Variants in GRIN3B observed in about 807,000 individuals in gnomAD.
The protein encoded by GRIN3B is glutamate ionotropic receptor NMDA type subunit 3B, also known as glutamate receptor ionotropic, NMDA 3B.
GRIN3B carries 77 observed loss-of-function variants against 66.0 expected under a neutral mutation model. The ratio of observed to expected loss-of-function variants is 1.17; its 90% CI spans 0.97 to 1.41. The LOEUF is 1.41. GRIN3B is among the 40% of genes most tolerant of loss of function. GRIN3B has a pLI of 0.00. For synonymous variants in GRIN3B, 823 were observed against 749.7 expected (o/e 1.10, Z -1.60); for missense variants, 1,787 against 1,564.5 (o/e 1.14, Z -2.40).
chr19:1,001,518 C>T (rs566360331), intron 1 of GRIN3B, among the ~76,000 whole-genome samples: 1 of 151,594 alleles, frequency 6.6e-6, no homozygotes, highest in Non-Finnish European at 1.5e-5. Flanking sequence ...AAGAGAAGGG[C>T]GATTGACTGG....
chr19:1,002,357 A>C (rs1236152724), intron 1 of GRIN3B, among the ~76,000 whole-genome samples: 4 of 134,858 alleles, frequency 3.0e-5, no homozygotes, highest in East Asian at 4.3e-4. Context: ...GTCTTTACTA[A>C]AAATACAAAA....
At chr19:1,006,211 C>G (rs886255986) in intron 3 of GRIN3B, among the ~76,000 whole-genome samples, 2 of 151,796 alleles carry the variant, frequency 1.3e-5, no homozygotes, top group Non-Finnish European at 2.9e-5. Flanking sequence ...CGCAGTGGCA[C>G]GATCTTGGCT....
Position 1,004,977 on chromosome 19 carries a change from C to T in GRIN3B, c.1476C>T (p.Pro492=), listed in dbSNP as rs780705163. 5.6e-6 allele frequency: 9 copies of T among 1,611,650 alleles called. No individual in the cohort carries two copies. The South Asian group carries it at 9.9e-5, about 18-fold the overall frequency. Residue 492 remains proline (P), a synonymous_variant, in exon 3 of 9, where the codon CCC becomes CCT. Transcript: ENST00000234389. The stretch of plus-strand genomic sequence containing the variant: ...TGGAGCGGCTGGCGGAGGACACGCC[C>T]TTCGACTTCGAGCTGTACCTCGTGG... ...DLLERLAEDT[P]FDFELYLVGD...
Position 1,003,676 on chromosome 19 carries a change from G to A in GRIN3B, c.973G>A (p.Asp325Asn). 1 of 1,408,822 alleles carries A rather than the reference G, an allele frequency of 7.1e-7. No individual in the cohort carries two copies. Among genetic ancestry groups the A allele is most frequent in the Non-Finnish European group, 9.2e-7 (1 of 1,088,588 alleles). 87.3% of individuals were successfully genotyped at this position (1,408,822 alleles called of 1,614,324 possible). ...ALLPAPVNCGDLQPAGPESPG... is the reference protein window; with the variant it reads ...ALLPAPVNCGNLQPAGPESPG... The stretch of plus-strand genomic sequence containing the variant: ...CCTCCCCGCCCCGGTCAACTGCGGG[G>A]ACCTGCAGCCGGCCGGGCCCGAGTC... Residue 325 changes from aspartate to asparagine, a missense_variant, in exon 2 of 9, where the codon GAC becomes AAC. Transcript: ENST00000234389.
chr19:1,007,628 C>A lies in GRIN3B; in HGVS notation c.2053C>A (p.Leu685Met). 6.7e-7 allele frequency: 1 copy of A among 1,503,166 alleles called. No individual in the cohort carries two copies. The allele number at this position is 1,503,166 out of a possible 1,614,324, so 93.1% of individuals were successfully genotyped here. Residue 685 changes from leucine to methionine, a missense_variant and splice_region_variant, in exon 4 of 9, where the codon CTG becomes ATG. Leu to Met is a conservative substitution (Grantham distance 15). Transcript: ENST00000234389. The surrounding 1 kb of genome is among the most constrained non-coding windows in gnomAD (Gnocchi z 4.4). Reference sequence around the variant, plus strand: ...GGCGCTGACGGGGTCCCCCGCGCAGCTGCACCACCCGGCGCAGGGCTTCCG... The same window carrying A: ...GGCGCTGACGGGGTCCCCCGCGCAGATGCACCACCCGGCGCAGGGCTTCCG... ...EELSGIHDPKLHHPAQGFRFG... is the reference protein window; with the variant it reads ...EELSGIHDPKMHHPAQGFRFG...
chr19:1,006,816 C>T (rs1244547306), intron 3 of GRIN3B, among the ~76,000 whole-genome samples: 2 of 152,206 alleles, frequency 1.3e-5, no homozygotes, highest in Non-Finnish European at 2.9e-5. Context: ...ACAGCTGAGC[C>T]GTCAAAGCCT....
Position 1,009,498 on chromosome 19 carries a change from C to T in GRIN3B, c.3028C>T (p.Gln1010Ter). ...ALVRRGQLLA[Q>*]LGDSARHRPR... ...GGTGCGGCGCGGCCAGCTCCTGGCACAGCTCGGGGACAGCGCACGTCACCG... is the reference window on the plus strand; with the variant it reads ...GGTGCGGCGCGGCCAGCTCCTGGCATAGCTCGGGGACAGCGCACGTCACCG... Residue 1010 changes from glutamine (Q) to a stop codon, truncating the protein, a stop_gained, in exon 9 of 9, where the codon CAG (glutamine) becomes TAG (stop). Coordinates refer to ENST00000234389, the MANE Select transcript of GRIN3B (RefSeq NM_138690.3). LOFTEE classifies it low-confidence loss of function (END_TRUNC). 6.7e-7 allele frequency: 1 copy of T among 1,495,620 alleles called. No individual in the cohort carries two copies. 92.6% of individuals were successfully genotyped at this position (1,495,620 alleles called of 1,614,324 possible). A position where few individuals can be genotyped will look rare whatever the true frequency, so the allele number is the denominator to read the frequency against.
intron 1 of GRIN3B, among the ~76,000 whole-genome samples, chr19:1,001,258 C>T (rs2038681837): frequency 6.6e-6 from 1 of 151,988 alleles, no homozygotes; most frequent in African/African-American, 2.4e-5. Context: ...GGTCCCCACC[C>T]GGCTCTGGGT....
At position 1,009,703 on chromosome 19, in the gene GRIN3B, CA is replaced by C; in HGVS notation, c.*103del. The C allele has an allele frequency of 2.0e-6, 2 of 998,284 alleles. No individual in the cohort carries two copies. Among genetic ancestry groups the C allele is most frequent in the Non-Finnish European group, 2.7e-6 (2 of 744,050 alleles). The allele number at this position is 998,284 out of a possible 1,614,324, so 61.8% of individuals were successfully genotyped here. A position where few individuals can be genotyped will look rare whatever the true frequency, so the allele number is the denominator to read the frequency against. On this transcript the variant is annotated 3_prime_UTR_variant, in exon 9 of 9. Coordinates refer to ENST00000234389, the MANE Select transcript of GRIN3B (RefSeq NM_138690.3). ...TATACAAACACAATTTTGTACACTG[CA>C]ATTAAATAGAATGGAATGAGCGCTC...
rs778377243 is a variant in GRIN3B at position 1,005,423 on chromosome 19, C to T, written c.1922C>T (p.Thr641Met). The T allele has an allele frequency of 1.2e-5, 19 of 1,613,530 alleles. No individual in the cohort carries two copies. Among genetic ancestry groups the T allele is most frequent in the South Asian group, 3.3e-5 (3 of 91,088 alleles). Residue 641 changes from threonine to methionine, a missense_variant, in exon 3 of 9, where the codon ACG becomes ATG. Transcript: ENST00000234389. This position sits in a 1 kb window ranked among gnomAD's most constrained non-coding sequence, Gnocchi z 5.2. ...TCCAGCAAGACGCCCAAGTGCCCCACGGGCCGCCTGCTCATGAACCTCTGG... is the reference window on the plus strand; with the variant it reads ...TCCAGCAAGACGCCCAAGTGCCCCATGGGCCGCCTGCTCATGAACCTCTGG... ...TVSSKTPKCP[T>M]GRLLMNLWAI...
At position 1,009,674 on chromosome 19, in the gene GRIN3B, T is replaced by C; in HGVS notation, c.*72T>C. ...GAGCCGCTGTCAACAGACAGTTTAT[T>C]CTATATACAAACACAATTTTGTACA... On this transcript the variant is annotated 3_prime_UTR_variant, in exon 9 of 9. Coordinates refer to ENST00000234389, the MANE Select transcript of GRIN3B (RefSeq NM_138690.3). 1.6e-6 allele frequency: 2 copies of C among 1,215,922 alleles called. No homozygotes were observed. The highest frequency in any genetic ancestry group is 2.1e-6 in the Non-Finnish European group (2 of 935,558). 75.3% of individuals were successfully genotyped at this position (1,215,922 alleles called of 1,614,324 possible). A position where few individuals can be genotyped will look rare whatever the true frequency, so the allele number is the denominator to read the frequency against.
intron 8 of GRIN3B, 115 bp downstream of exon 8, chr19:1,009,042 C>G: frequency 6.8e-7 from 1 of 1,462,694 alleles, no homozygotes; most frequent in Non-Finnish European, 9.2e-7. Context: ...CCCCGCCCAC[C>G]CCCGGACGTG....
intron 3 of GRIN3B, among the ~76,000 whole-genome samples, chr19:1,006,383 G>C (rs908634327): frequency 1.3e-5 from 2 of 151,616 alleles, no homozygotes; most frequent in African/African-American, 4.8e-5. Context: ...CTGACCTCGT[G>C]ATCCGCCCAC....
rs1289620535 is a variant in GRIN3B, at chr19:1,000,794, G to T, written c.357G>T (p.Leu119=). 2.1e-6 allele frequency: 3 copies of T among 1,439,908 alleles called. No individual in the cohort carries two copies. In the African/African-American group the frequency reaches 4.6e-5, roughly 22 times the overall value. 89.2% of individuals were successfully genotyped at this position (1,439,908 alleles called of 1,614,324 possible). A position where few individuals can be genotyped will look rare whatever the true frequency, so the allele number is the denominator to read the frequency against. ...ARPELLQLHF[L]AAATETPVLS... is the part of the protein sequence containing the mutation. ...CCGAGCTGCTGCAGCTGCACTTCCT[G>T]GCGGCGGCCACCGAGACCCCCGTGC... Residue 119 remains leucine, a synonymous_variant, in exon 1 of 9, where the codon CTG becomes CTT. Coordinates refer to ENST00000234389, the MANE Select transcript of GRIN3B (RefSeq NM_138690.3).
chr19:1,001,195 C>T (rs575545402), intron 1 of GRIN3B, among the ~76,000 whole-genome samples: 62 of 152,188 alleles, frequency 4.1e-4, no homozygotes, highest in African/African-American at 1.5e-3. Context: ...CTTCCTTGCC[C>T]AGGCCCCTTC....
At position 1,004,758 on chromosome 19, in the gene GRIN3B, G is replaced by A. The variant is rs769571346; in HGVS notation, c.1257G>A (p.Val419=). The change falls in exon 3 of 9, where the codon GTG becomes GTA. Residue 419 remains valine (V), a synonymous_variant. Transcript: ENST00000234389. ...QGAQVWPKLR[V]VTLLEHPFVF... ...CCCAGGTCTGGCCCAAGCTGCGTGT[G>A]GTAACGCTGTTGGAACACCCATTTG... The A allele has an allele frequency of 6.2e-7, 1 of 1,612,036 alleles. No individual in the cohort carries two copies. Among genetic ancestry groups the A allele is most frequent in the Admixed American group, 1.7e-5 (1 of 59,972 alleles).
rs753538459 is a variant in GRIN3B at position 1,004,674 on chromosome 19, C to T, written c.1173C>T (p.Asp391=). 29 of 1,596,898 alleles carry T rather than the reference C, an allele frequency of 1.8e-5. No homozygotes were observed. The highest frequency in any genetic ancestry group is 5.4e-5 in the African/African-American group (4 of 74,342). The change falls in exon 3 of 9, where the codon GAC becomes GAT. Residue 391 remains aspartate, a synonymous_variant. Coordinates refer to ENST00000234389, the MANE Select transcript of GRIN3B (RefSeq NM_138690.3). ...PAWATVGSWR[D]GQLDLEPGGA... ...GGGCCACGGTGGGCAGCTGGCGGGA[C>T]GGCCAGCTGGACTTGGAACCGGGAG...
rs375661484 is a variant in GRIN3B, at chr19:1,004,625, G to A, written c.1124G>A (p.Arg375Gln). 192 of 1,601,534 alleles carry A rather than the reference G, an allele frequency of 1.2e-4. 2 individuals are homozygous for A. The South Asian group carries it at 1.2e-3, about 10-fold the overall frequency. Residue 375 changes from arginine (R) to glutamine (Q), a missense_variant, in exon 3 of 9, where the codon CGG becomes CAG. By Grantham distance (43) the Arg-to-Gln change is conservative (BLOSUM62 1). Transcript: ENST00000234389. ...CACTTTAAGGTGTGGAGCCTTCGCC[G>A]GGACCCACGGGGCGCCCCGGCCTGG... is the stretch of plus-strand genomic sequence containing the variant. ...SRHFKVWSLR[R>Q]DPRGAPAWAT... is the part of the protein sequence containing the mutation.
chr19:1,007,486 G>C lies in GRIN3B; in HGVS notation c.2053-142G>C. 1.0e-6 allele frequency: 1 copy of C among 961,168 alleles called. No homozygotes were observed. 59.5% of individuals were successfully genotyped at this position (961,168 alleles called of 1,614,324 possible). The stretch of plus-strand genomic sequence containing the variant: ...GTGGTCACGCCTGGGGTGTGCTCTG[G>C]GCATGGAGTGGGTGGAGGCCAGGAA... On this transcript the variant is annotated intron_variant, in intron 3 of 8. Transcript: ENST00000234389. The surrounding 1 kb of genome is among the most constrained non-coding windows in gnomAD (Gnocchi z 4.4).
Sources: gnomAD v4.1 joint callset for allele counts (sites outside exome capture counted in the v4.1 genomes callset) on GRCh38, gnomAD v4.1.1 for gene constraint, Gnocchi (gnomAD v3.1) non-coding constraint, MANE v1.5 for transcripts, NCBI Gene and HGNC (gene_info 2026-07-23, HGNC 2026-07-21) for gene names.